MECOM: variants seen among roughly 807,000 people sequenced by gnomAD.
The protein encoded by MECOM is histone-lysine N-methyltransferase MECOM.
A neutral mutation model predicts 116.3 loss-of-function variants in MECOM; 13 were observed. The ratio of observed to expected loss-of-function variants is 0.11; its 90% CI spans 0.07 to 0.18. The LOEUF is 0.18. MECOM is among the 10% of genes least tolerant of loss of function. The pLI, the probability that MECOM is intolerant of heterozygous loss-of-function variation, is 1.00. For synonymous variants in MECOM, 528 were observed against 535.2 expected (o/e 0.99, Z 0.19); for missense variants, 1,299 against 1,509.0 (o/e 0.86, Z 2.31).
At chr3:169,120,613 C>T (rs887714771) in intron 7 of MECOM, among the ~76,000 whole-genome samples, 1 of 152,218 alleles carries the variant, frequency 6.6e-6, no homozygotes, top group Non-Finnish European at 1.5e-5. Context: ...TACATGCACA[C>T]AGAGCCGTAA....
At chr3:169,227,779 T>G (rs1481273868) in intron 2 of MECOM, among the ~76,000 whole-genome samples, 1 of 152,140 alleles carries the variant, frequency 6.6e-6, no homozygotes, top group African/African-American at 2.4e-5. Flanking sequence ...AATGACAACA[T>G]TTCAAGAGGC....
chr3:169,659,873 C>G (rs1284993187), intron 1 of MECOM, among the ~76,000 whole-genome samples: 2 of 151,978 alleles, frequency 1.3e-5, no homozygotes, highest in Non-Finnish European at 2.9e-5. Flanking sequence ...ACTTCAGAGC[C>G]TTTTTTTAAA....
chr3:169,302,162 C>A (rs888247171), intron 2 of MECOM, among the ~76,000 whole-genome samples: 2 of 152,176 alleles, frequency 1.3e-5, no homozygotes, highest in Non-Finnish European at 2.9e-5. Flanking sequence ...TGAATATATA[C>A]AATCTGTATC....
intron 1 of MECOM, among the ~76,000 whole-genome samples, chr3:169,444,561 C>G (rs1469943982): frequency 6.6e-6 from 1 of 152,154 alleles, no homozygotes. Context: ...TCTGAGGTCT[C>G]CCCAGTCATG....
At chr3:169,561,949 C>T (rs184913062) in intron 1 of MECOM, among the ~76,000 whole-genome samples, 1 of 151,616 alleles carries the variant, frequency 6.6e-6, no homozygotes, top group Non-Finnish European at 1.5e-5. Context: ...AGTTCAAGAC[C>T]AGTCTGGCCA....
intron 2 of MECOM, among the ~76,000 whole-genome samples, chr3:169,360,129 A>G (rs1727958312): frequency 6.6e-6 from 1 of 151,594 alleles, no homozygotes; most frequent in African/African-American, 2.4e-5. Flanking sequence ...CCTTAACCAC[A>G]TAATTCAAGT....
intron 2 of MECOM, among the ~76,000 whole-genome samples, chr3:169,379,615 A>G (rs1187293498): frequency 2.0e-5 from 3 of 152,110 alleles, no homozygotes; most frequent in African/African-American, 7.2e-5. Context: ...CATAGGTATT[A>G]TGTTTAAAAC....
chr3:169,295,911 G>T (rs934895458), intron 2 of MECOM, among the ~76,000 whole-genome samples: 6 of 152,314 alleles, frequency 3.9e-5, no homozygotes, highest in African/African-American at 1.4e-4. Context: ...GGTTTTGTTT[G>T]ATGGTTTGTT....
At chr3:169,638,157 C>G (rs1773040989) in intron 1 of MECOM, among the ~76,000 whole-genome samples, 1 of 152,084 alleles carries the variant, frequency 6.6e-6, no homozygotes, top group Non-Finnish European at 1.5e-5. Flanking sequence ...TATTTTTTCT[C>G]CATTGACTTG....
At chr3:169,565,779 A>G (rs1467570261) in intron 1 of MECOM, among the ~76,000 whole-genome samples, 1 of 152,168 alleles carries the variant, frequency 6.6e-6, no homozygotes, top group Non-Finnish European at 1.5e-5. Flanking sequence ...TGTACACCTC[A>G]AGTAGTTATT....
intron 1 of MECOM, among the ~76,000 whole-genome samples, chr3:169,537,316 G>C (rs1462909286): frequency 6.6e-6 from 1 of 152,154 alleles, no homozygotes; most frequent in East Asian, 1.9e-4. Flanking sequence ...ATTAGTATTA[G>C]AAATGTCTTA....
Position 169,422,252 on chromosome 3 carries a change from C to A in MECOM, c.38-40728G>T, listed in dbSNP as rs541142056. Among the ~76,000 whole-genome samples the A allele has an allele frequency of 6.2e-4, 95 of 152,120 alleles. No individual in the cohort carries two copies. In the Middle Eastern group the frequency reaches 0.014, roughly 22 times the overall value. Reference sequence around the variant, plus strand: ...GCTGTGTGTGTAATGTTAAAACTTACTGGGAATTAGTGTAATAATGAAGAG... The same window carrying A: ...GCTGTGTGTGTAATGTTAAAACTTAATGGGAATTAGTGTAATAATGAAGAG... On this transcript the variant is annotated intron_variant, in intron 1 of 16. Coordinates refer to ENST00000651503, the MANE Select transcript of MECOM (RefSeq NM_004991.4).
chr3:169,524,289 T>C (rs931133119), intron 1 of MECOM, among the ~76,000 whole-genome samples: 1 of 152,078 alleles, frequency 6.6e-6, no homozygotes, highest in Non-Finnish European at 1.5e-5. Context: ...ACTTTACAAG[T>C]GTAGACTCTG....
chr3:169,411,985 T>C (rs571027218), intron 1 of MECOM, among the ~76,000 whole-genome samples: 162 of 151,910 alleles, frequency 1.1e-3, no homozygotes, highest in African/African-American at 3.5e-3. Context: ...AGCAAGACTT[T>C]ATATAAAAAT....
chr3:169,119,763 C>T (rs781233332), intron 7 of MECOM, among the ~76,000 whole-genome samples: 11 of 151,818 alleles, frequency 7.2e-5, no homozygotes, highest in South Asian at 2.1e-4. Flanking sequence ...TGCCTTTTTG[C>T]GACAAGAAGT....
chr3:169,358,503 G>T (rs1727659272), intron 2 of MECOM, among the ~76,000 whole-genome samples: 1 of 148,902 alleles, frequency 6.7e-6, no homozygotes, highest in Non-Finnish European at 1.5e-5. Context: ...ATTACATCAA[G>T]AACTGTATGC....
intron 1 of MECOM, among the ~76,000 whole-genome samples, chr3:169,659,367 T>A (rs1051448001): frequency 4.7e-5 from 7 of 148,162 alleles, no homozygotes; most frequent in African/African-American, 1.7e-4. Context: ...CTACAGCTAA[T>A]GAACCGTTCC....
intron 5 of MECOM, among the ~76,000 whole-genome samples, 182 bp downstream of exon 5, chr3:169,127,662 A>G (rs1487451810): frequency 6.6e-6 from 1 of 152,178 alleles, no homozygotes; most frequent in African/African-American, 2.4e-5. Context: ...ACTAATTCCA[A>G]TTTCACTGTA....
chr3:169,372,111 C>T (rs959108841), intron 2 of MECOM, among the ~76,000 whole-genome samples: 3 of 152,012 alleles, frequency 2.0e-5, no homozygotes, highest in African/African-American at 7.2e-5. Flanking sequence ...CTATTTAACA[C>T]AGCATAAGAG....
Sources: allele counts gnomAD v4.1 joint callset (sites outside exome capture counted in the v4.1 genomes callset), GRCh38; gene constraint gnomAD v4.1.1; transcripts MANE v1.5; gene names NCBI Gene and HGNC (gene_info 2026-07-23, HGNC 2026-07-21).